Variants in INSYN2B observed in about 807,000 individuals in gnomAD.
The protein encoded by INSYN2B is inhibitory synaptic factor family member 2B, also known as protein INSYN2B.
INSYN2B carries 16 observed loss-of-function variants against 41.2 expected under a neutral mutation model. That is an observed-to-expected ratio of 0.39 (90% CI 0.26 to 0.59). INSYN2B has a LOEUF of 0.59. INSYN2B is among the 20% of genes least tolerant of loss of function. The pLI is 0.57. For missense variants in INSYN2B, 608 were observed against 646.4 expected, an observed-to-expected ratio of 0.94 and a Z score of 0.64; for synonymous variants, 245 against 244.4, an observed-to-expected ratio of 1.00 and a Z score of -0.02.
At chr5:169,894,779 C>T (rs1041035126) in intron 1 of INSYN2B, among the ~76,000 whole-genome samples, 2 of 152,142 alleles carry the variant, frequency 1.3e-5, no homozygotes, top group Admixed American at 6.5e-5. Context: ...TACCATTATG[C>T]ACTGGGCCCC....
At chr5:169,902,943 C>CA (rs1291402216) in intron 1 of INSYN2B, among the ~76,000 whole-genome samples, 3 of 151,936 alleles carry the variant, frequency 2.0e-5, no homozygotes, top group African/African-American at 7.3e-5. Context: ...ACTAAAAATA[C>CA]AAAAATTAGC....
At chr5:169,914,705 A>G (rs1355532548) in intron 1 of INSYN2B, among the ~76,000 whole-genome samples, 2 of 152,198 alleles carry the variant, frequency 1.3e-5, no homozygotes, top group African/African-American at 4.8e-5. Flanking sequence ...TAAGGCATCA[A>G]TCCCTGCAGG....
intron 1 of INSYN2B, among the ~76,000 whole-genome samples, chr5:169,941,908 A>G (rs1776259984): frequency 6.6e-6 from 1 of 152,214 alleles, no homozygotes; most frequent in Admixed American, 6.5e-5. Flanking sequence ...TCTGTCACCT[A>G]TAAATGTCAA....
At chr5:169,975,804 C>T (rs984092273) in intron 1 of INSYN2B, among the ~76,000 whole-genome samples, 33 of 152,330 alleles carry the variant, frequency 2.2e-4, no homozygotes, top group African/African-American at 7.2e-4. Flanking sequence ...CTCTTCCCAA[C>T]GGGGATGTGA....
chr5:169,969,148 C>A (rs1420484417), intron 1 of INSYN2B, among the ~76,000 whole-genome samples: 1 of 150,684 alleles, frequency 6.6e-6, no homozygotes, highest in Non-Finnish European at 1.5e-5. Context: ...GACTCTGTTT[C>A]AAAAAAGAAA....
At chr5:169,915,491 T>G (rs997767727) in intron 1 of INSYN2B, among the ~76,000 whole-genome samples, 34 of 151,954 alleles carry the variant, frequency 2.2e-4, no homozygotes, top group Admixed American at 2.2e-3. Context: ...TCAGATGTTT[T>G]AATGATTTTG....
chr5:169,864,758 T>C (rs1251376782), intron 3 of INSYN2B, among the ~76,000 whole-genome samples: 2 of 152,206 alleles, frequency 1.3e-5, no homozygotes, highest in Non-Finnish European at 1.5e-5. Flanking sequence ...TAATCATTAA[T>C]GGGGTTTTGG....
At chr5:169,885,498 G>A (rs955010727) in intron 1 of INSYN2B, among the ~76,000 whole-genome samples, 1 of 152,142 alleles carries the variant, frequency 6.6e-6, no homozygotes, top group African/African-American at 2.4e-5. Flanking sequence ...ATTTATTTAA[G>A]GACAAAATTC....
intron 1 of INSYN2B, among the ~76,000 whole-genome samples, chr5:169,949,321 C>A (rs1175100239): frequency 6.6e-6 from 1 of 152,088 alleles, no homozygotes; most frequent in Non-Finnish European, 1.5e-5. Context: ...GTGGACAGAA[C>A]TGTAAATAGA....
intron 1 of INSYN2B, among the ~76,000 whole-genome samples, chr5:169,904,237 A>T (rs1211782932): frequency 6.6e-6 from 1 of 152,192 alleles, no homozygotes; most frequent in Non-Finnish European, 1.5e-5. Context: ...CCCAAGAGAC[A>T]GTACTGCTTG....
chr5:169,949,415 A>G (rs259917), intron 1 of INSYN2B, among the ~76,000 whole-genome samples: 7,906 of 152,138 alleles, frequency 0.052, 559 homozygotes, highest in African/African-American at 0.16. Context: ...ATGGCTTTTG[A>G]GATTTTTCTT....
rs1308896677 is a variant in INSYN2B, at chr5:169,892,930, GGCTCC to G, written c.-918-8119_-918-8115del. ...TCTTCTCTTCTGTTTTCTCCAGCATGGCTCCCCATTTCATTTCTCCCCTCTCCTCC... is the reference window on the plus strand; with the variant it reads ...TCTTCTCTTCTGTTTTCTCCAGCATGCCATTTCATTTCTCCCCTCTCCTCC... On this transcript the variant is annotated intron_variant, in intron 1 of 3. Coordinates refer to ENST00000377365, the MANE Select transcript of INSYN2B (RefSeq NM_001129891.3). Among the ~76,000 whole-genome samples, 443 of 151,918 alleles carry G rather than the reference GGCTCC, an allele frequency of 2.9e-3. 5 individuals carry two copies. Among genetic ancestry groups the G allele is most frequent in the African/African-American group, 0.01 (418 of 41,428 alleles).
chr5:169,949,430 G>A (rs1029414130), intron 1 of INSYN2B, among the ~76,000 whole-genome samples: 35 of 152,230 alleles, frequency 2.3e-4, no homozygotes, highest in African/African-American at 8.2e-4. Context: ...TTTCTTGAAG[G>A]AGATAGCCCA....
At chr5:169,955,177 C>A (rs568923468) in intron 1 of INSYN2B, among the ~76,000 whole-genome samples, 1 of 152,294 alleles carries the variant, frequency 6.6e-6, no homozygotes, top group Non-Finnish European at 1.5e-5. Flanking sequence ...ATGACGAGAT[C>A]GCCAGGCAGC....
In INSYN2B at chr5:169,882,568, C is replaced by T. The variant is rs921596202; in HGVS notation, c.1331G>A (p.Arg444Gln). Reference protein sequence around the residue: ...LNVIQDLEKARALTEGRNFYR... With the variant: ...LNVIQDLEKAQALTEGRNFYR... ...ATCTCCTTACCCTTCAGTGAGAGCTCGAGCTTTCTCCAAGTCTTGAATTAC... is the reference window on the plus strand; with the variant it reads ...ATCTCCTTACCCTTCAGTGAGAGCTTGAGCTTTCTCCAAGTCTTGAATTAC... The change falls in exon 2 of 4, where the codon CGA becomes CAA. Residue 444 changes from arginine (R) to glutamine (Q), a missense_variant. By Grantham distance (43) the Arg-to-Gln change is conservative. Transcript: ENST00000377365. The T allele has an allele frequency of 3.9e-6, 6 of 1,546,884 alleles. No homozygotes were observed. Among genetic ancestry groups the T allele is most frequent in the Admixed American group, 3.9e-5 (2 of 50,888 alleles).
At chr5:169,901,060 C>T (rs1310945073) in intron 1 of INSYN2B, among the ~76,000 whole-genome samples, 1 of 151,990 alleles carries the variant, frequency 6.6e-6, no homozygotes, top group Non-Finnish European at 1.5e-5. Flanking sequence ...ATGTTGTGAC[C>T]AAAAAATAGA....
intron 1 of INSYN2B, among the ~76,000 whole-genome samples, chr5:169,953,063 C>G (rs999165833): frequency 1.3e-5 from 2 of 152,152 alleles, no homozygotes; most frequent in African/African-American, 4.8e-5. Context: ...GTGGCTCATA[C>G]CTGTAATCCC....
In INSYN2B at chr5:169,883,012, T is replaced by G; in HGVS notation, c.887A>C (p.Gln296Pro). ...TGAAGGAACACACGTTTCCTTTGAC[T>G]GAGATGACAGTGAGCCAAGGTCTTT... ...DDKDLGSLSSQSKETCVPSSP... is the reference protein window; with the variant it reads ...DDKDLGSLSSPSKETCVPSSP... Residue 296 changes from glutamine (Q) to proline (P), a missense_variant, in exon 2 of 4, where the codon CAG (glutamine) becomes CCG (proline). Coordinates refer to ENST00000377365, the MANE Select transcript of INSYN2B (RefSeq NM_001129891.3). 1 of 1,551,762 alleles carries G rather than the reference T, an allele frequency of 6.4e-7. No individual in the cohort carries two copies. The highest frequency in any genetic ancestry group is 8.7e-7 in the Non-Finnish European group (1 of 1,146,970).
At chr5:169,959,823 G>A (rs1440228426) in intron 1 of INSYN2B, among the ~76,000 whole-genome samples, 2 of 152,142 alleles carry the variant, frequency 1.3e-5, no homozygotes, top group Non-Finnish European at 2.9e-5. Context: ...AATGCTCAGA[G>A]GGCAAAATAG....
Sources: gnomAD v4.1 joint callset for allele counts (sites outside exome capture counted in the v4.1 genomes callset) on GRCh38, gnomAD v4.1.1 for gene constraint, MANE v1.5 for transcripts, NCBI Gene and HGNC (gene_info 2026-07-23, HGNC 2026-07-21) for gene names.